PTPRD: variants seen among roughly 807,000 people sequenced by gnomAD.
PTPRD encodes the protein protein tyrosine phosphatase receptor type D.
Under a neutral mutation model 214.5 loss-of-function variants are expected in PTPRD, and 34 were observed. The observed-to-expected ratio is 0.16, with a 90% CI of 0.12 to 0.21. The LOEUF is 0.21. Ranked by LOEUF, PTPRD falls within the 10% of genes least tolerant of loss-of-function variation. The pLI is 1.00. For synonymous variants in PTPRD, 1,128 were observed against 845.7 expected, an observed-to-expected ratio of 1.33 and a Z score of -5.79; for missense variants, 2,545 against 2,398.7, an observed-to-expected ratio of 1.06 and a Z score of -1.27.
intron 33 of PTPRD, among the ~76,000 whole-genome samples, chr9:8,450,288 T>C (rs898798618): frequency 6.6e-6 from 1 of 152,126 alleles, no homozygotes; most frequent in Admixed American, 6.6e-5. Context: ...GCCCTAAGTA[T>C]ATATAAGTGG....
chr9:8,733,824 A>G lies in PTPRD; in HGVS notation c.20T>C (p.Leu7Pro), dbSNP rs1325073264. The G allele has an allele frequency of 6.4e-7, 1 of 1,552,442 alleles. No homozygotes were observed. Among genetic ancestry groups the G allele is most frequent in the Non-Finnish European group, 8.7e-7 (1 of 1,147,552 alleles). Reference sequence around the variant, plus strand: ...GAAGAAAGTGAGGAGCAGCAGCAGCAGCCTGGCTACGTGCACCATCCTGCA... The same window carrying G: ...GAAGAAAGTGAGGAGCAGCAGCAGCGGCCTGGCTACGTGCACCATCCTGCA... Reference protein sequence around the residue: MVHVARLLLLLLTFFLR... With the variant: MVHVARPLLLLLTFFLR... Residue 7 changes from leucine (L) to proline (P), a missense_variant, in exon 12 of 46, where the codon CTG becomes CCG. Physicochemically the swap from Leu to Pro is moderately conservative, Grantham distance 98. Coordinates refer to ENST00000381196, the MANE Select transcript of PTPRD (RefSeq NM_002839.4).
chr9:9,589,119 A>G (rs531210128), intron 7 of PTPRD, among the ~76,000 whole-genome samples: 33 of 152,058 alleles, frequency 2.2e-4, no homozygotes, highest in African/African-American at 7.0e-4. Context: ...AACTGGAGAA[A>G]TATTTGTTTC....
At chr9:10,362,957 A>G (rs185261883) in intron 2 of PTPRD, among the ~76,000 whole-genome samples, 3 of 152,296 alleles carry the variant, frequency 2.0e-5, no homozygotes, top group East Asian at 3.9e-4. Flanking sequence ...AACAATGACT[A>G]GTATAGAACA....
chr9:9,324,891 G>C (rs1437738766), intron 9 of PTPRD, among the ~76,000 whole-genome samples: 4 of 152,178 alleles, frequency 2.6e-5, no homozygotes, highest in Admixed American at 2.6e-4. Context: ...AAGGGATCCA[G>C]TTTCAGCTTT....
At chr9:8,641,439 T>A (rs1455673881) in intron 12 of PTPRD, among the ~76,000 whole-genome samples, 2 of 148,676 alleles carry the variant, frequency 1.3e-5, no homozygotes, top group East Asian at 1.9e-4. Flanking sequence ...AAGCTGCCAA[T>A]GCTGTACTTT....
At chr9:8,532,172 C>A (rs916673467) in intron 14 of PTPRD, among the ~76,000 whole-genome samples, 2 of 152,026 alleles carry the variant, frequency 1.3e-5, no homozygotes, top group Non-Finnish European at 2.9e-5. Flanking sequence ...CACAATGTAA[C>A]AGATTCAAAT....
intron 3 of PTPRD, among the ~76,000 whole-genome samples, chr9:10,105,246 C>T (rs35365665): frequency 0.087 from 13,185 of 151,730 alleles, 685 homozygotes; most frequent in Non-Finnish European, 0.12. Context: ...AATTAGTCAA[C>T]GGCCCATATT....
chr9:9,164,827 A>G (rs1220512955), intron 10 of PTPRD, among the ~76,000 whole-genome samples: 2 of 150,006 alleles, frequency 1.3e-5, no homozygotes, highest in Non-Finnish European at 3.0e-5. Context: ...AGCCTGGCCA[A>G]CATGATGAAA....
chr9:9,401,717 T>A (rs1392524158), intron 8 of PTPRD, among the ~76,000 whole-genome samples: 1 of 152,006 alleles, frequency 6.6e-6, no homozygotes, highest in Non-Finnish European at 1.5e-5. Flanking sequence ...TCCCCATGTG[T>A]CCTGGGAGGG....
At chr9:9,011,741 GTT>G (rs1192798702) in intron 11 of PTPRD, among the ~76,000 whole-genome samples, 3 of 152,120 alleles carry the variant, frequency 2.0e-5, no homozygotes, top group Non-Finnish European at 4.4e-5. Flanking sequence ...AAATTAAGAT[GTT>G]CTTTCTCTGA....
chr9:9,602,977 AAAG>A (rs1437545522), intron 7 of PTPRD, among the ~76,000 whole-genome samples: 1 of 152,094 alleles, frequency 6.6e-6, no homozygotes, highest in African/African-American at 2.4e-5. Context: ...CTATATTTTG[AAAG>A]ATTAGGTTGT....
In PTPRD at chr9:9,464,642, T is replaced by C. The variant is rs148992335; in HGVS notation, c.-236-67160A>G. On this transcript the variant is annotated intron_variant, in intron 8 of 45. Transcript: ENST00000381196. ...GTTCTTAAGTCTGATCACCTTAACATTGGAGAGTCTATCAAATTCCATCTG... is the reference window on the plus strand; with the variant it reads ...GTTCTTAAGTCTGATCACCTTAACACTGGAGAGTCTATCAAATTCCATCTG... Among the ~76,000 whole-genome samples, 673 of 152,298 alleles carry C rather than the reference T, an allele frequency of 4.4e-3. 1 individual carries two copies. Among genetic ancestry groups the C allele is most frequent in the African/African-American group, 0.014 (598 of 41,570 alleles).
At chr9:10,520,707 A>G (rs530769136) in intron 2 of PTPRD, among the ~76,000 whole-genome samples, 1 of 152,228 alleles carries the variant, frequency 6.6e-6, no homozygotes, top group African/African-American at 2.4e-5. Flanking sequence ...GGTGACTTTA[A>G]GTTGAAGCTA....
At chr9:8,837,419 A>G (rs2154531655) in intron 11 of PTPRD, among the ~76,000 whole-genome samples, 1 of 152,340 alleles carries the variant, frequency 6.6e-6, no homozygotes, top group Middle Eastern at 3.4e-3. Flanking sequence ...AGATTTTGGA[A>G]TTACAAAAAC....
intron 7 of PTPRD, among the ~76,000 whole-genome samples, chr9:9,665,945 G>C (rs753391999): frequency 4.6e-5 from 7 of 151,786 alleles, no homozygotes; most frequent in Non-Finnish European, 8.8e-5. Flanking sequence ...ATAAAGTCCA[G>C]AAAGAGGAAA....
chr9:8,415,305 T>C (rs2093851273), intron 35 of PTPRD, among the ~76,000 whole-genome samples: 1 of 152,206 alleles, frequency 6.6e-6, no homozygotes. Flanking sequence ...TTTTCCTCCT[T>C]CTAAGACAGC....
intron 10 of PTPRD, among the ~76,000 whole-genome samples, chr9:9,171,846 A>G (rs1047489546): frequency 6.6e-6 from 1 of 152,162 alleles, no homozygotes; most frequent in Non-Finnish European, 1.5e-5. Flanking sequence ...AGGTATATTA[A>G]TTCTTCATTA....
intron 10 of PTPRD, among the ~76,000 whole-genome samples, chr9:9,031,406 G>A (rs942207354): frequency 1.3e-5 from 2 of 151,896 alleles, no homozygotes; most frequent in East Asian, 1.9e-4. Flanking sequence ...TACACAACTC[G>A]GCTATGCGGT....
chr9:9,719,368 A>G lies in PTPRD; in HGVS notation c.-287+15165T>C, dbSNP rs1156710340. Among the ~76,000 whole-genome samples the G allele has an allele frequency of 2.0e-5, 3 of 152,222 alleles. No homozygotes were observed. The East Asian group carries it at 5.8e-4, about 30-fold the overall frequency. ...CAGTGGGAGTGAAAAAAGCCATAAT[A>G]TATTTCTGGCCAGCTTGCTAAGTCA... On this transcript the variant is annotated intron_variant, in intron 7 of 45. Transcript: ENST00000381196.
Sources: allele counts gnomAD v4.1 joint callset (sites outside exome capture counted in the v4.1 genomes callset), GRCh38; gene constraint gnomAD v4.1.1; transcripts MANE v1.5; gene names NCBI Gene and HGNC (gene_info 2026-07-23, HGNC 2026-07-21).